The following PSMA1 variants were observed in gnomAD, a reference collection of about 807,000 sequenced individuals.
The protein encoded by PSMA1 is proteasome 20S subunit alpha 1.
Under a neutral mutation model 38.4 loss-of-function variants are expected in PSMA1, and 3 were observed. The ratio of observed to expected loss-of-function variants is 0.08; its 90% CI spans 0.04 to 0.20. The LOEUF is 0.20. Among genes scored for constraint, PSMA1 ranks in the 10% least tolerant of loss-of-function variants. PSMA1 has a pLI of 1.00. For synonymous variants in PSMA1, 101 were observed against 107.1 expected (o/e 0.94, Z 0.35); for missense variants, 227 against 325.3 (o/e 0.70, Z 2.32).
Position 14,638,506 on chromosome 11 carries a change from CCTCTCTCTCT to C in PSMA1, c.-166+4939_-166+4948del, listed in dbSNP as rs374243163. ...TAAGTTGGCTTAGTGGAGAAACACA[CCTCTCTCTCT>C]CTCTCTCTCTCTCTCTCTCTCTCTC... On this transcript the variant is annotated intron_variant, in intron 1 of 10. Transcript: ENST00000418988. Among the ~76,000 whole-genome samples the C allele has an allele frequency of 4.2e-3, 134 of 31,900 alleles. 3 individuals are homozygous for C. The highest frequency in any genetic ancestry group is 0.01 in the South Asian group (5 of 500). 20.9% of individuals were successfully genotyped at this position (31,900 alleles called of 152,430 possible).
chr11:14,527,721 C>T (rs1284337589), intron 2 of PSMA1, among the ~76,000 whole-genome samples: 4 of 152,238 alleles, frequency 2.6e-5, no homozygotes, highest in African/African-American at 4.8e-5. Context: ...AGAAGGCCAC[C>T]GCGGTCATTT....
At chr11:14,514,077 GA>G (rs1198932960) in intron 5 of PSMA1, 190 bp from the exon 6 acceptor site, 1 of 1,319,182 alleles carries the variant, frequency 7.6e-7, no homozygotes, top group Non-Finnish European at 9.6e-7. Flanking sequence ...ACCTAAGAAA[GA>G]GTGCCAGCAA....
intron 8 of PSMA1, among the ~76,000 whole-genome samples, chr11:14,509,300 C>G (rs999365442): frequency 1.4e-4 from 21 of 152,086 alleles, no homozygotes; most frequent in Admixed American, 1.3e-4. Flanking sequence ...GACATTCCCC[C>G]CTCACACCCT....
At chr11:14,617,762 C>T (rs1201772547) in intron 1 of PSMA1, among the ~76,000 whole-genome samples, 1 of 151,166 alleles carries the variant, frequency 6.6e-6, no homozygotes, top group Non-Finnish European at 1.5e-5. Context: ...CTGAAAGCTT[C>T]TTACTGTTAC....
At position 14,534,497 on chromosome 11, in the gene PSMA1, A is replaced by G. The variant is rs2134161054; in HGVS notation, c.22-15456T>C. On this transcript the variant is annotated intron_variant, in intron 2 of 10. Coordinates refer to the PSMA1 transcript ENST00000418988. This position sits in a 1 kb window ranked among gnomAD's most constrained non-coding sequence, Gnocchi z 4.5. ...AATTTTAATTTTAATTTATTTGTTT[A>G]TTTTTAGGACAGGCTTTTGCTCTGT... Among the ~76,000 whole-genome samples, 1 of 152,064 alleles carries G rather than the reference A, an allele frequency of 6.6e-6. No homozygotes were observed. Among genetic ancestry groups the G allele is most frequent in the African/African-American group, 2.4e-5 (1 of 41,488 alleles).
intron 1 of PSMA1, among the ~76,000 whole-genome samples, chr11:14,519,692 G>A (rs1232069059): frequency 6.6e-6 from 1 of 152,178 alleles, no homozygotes; most frequent in East Asian, 1.9e-4. Context: ...TCATGGGAGT[G>A]AGATTGAGTG....
chr11:14,555,429 T>TA (rs1382717672), intron 2 of PSMA1, among the ~76,000 whole-genome samples: 1 of 152,150 alleles, frequency 6.6e-6, no homozygotes, highest in Non-Finnish European at 1.5e-5. Context: ...AATAGAAACA[T>TA]ACAAGAATTC....
Position 14,563,295 on chromosome 11 carries a change from C to T in PSMA1, c.22-44254G>A, listed in dbSNP as rs138754052. 4.2e-3 allele frequency among the ~76,000 whole-genome samples: 632 copies of T among 152,288 alleles called. 11 individuals carry two copies. Among genetic ancestry groups the T allele is most frequent in the Non-Finnish European group, 2.5e-3 (173 of 68,032 alleles). On this transcript the variant is annotated intron_variant, in intron 2 of 10. Transcript: ENST00000418988. ...GATTTGAGATGCCTGTTTACTTTCA[C>T]GTGTTTGTGTCTCTTGTGGACAGTG...
intron 2 of PSMA1, among the ~76,000 whole-genome samples, chr11:14,606,926 T>C (rs765316203): frequency 6.6e-6 from 1 of 152,164 alleles, no homozygotes. Context: ...TACTGACACA[T>C]AGCCCCAGGC....
intron 1 of PSMA1, among the ~76,000 whole-genome samples, chr11:14,641,067 C>G (rs1322743209): frequency 6.6e-6 from 1 of 151,970 alleles, no homozygotes; most frequent in African/African-American, 2.4e-5. Flanking sequence ...TGAGGGAAGG[C>G]ACCTAATGTA....
At chr11:14,530,705 C>T (rs1851638026) in intron 2 of PSMA1, among the ~76,000 whole-genome samples, 2 of 151,988 alleles carry the variant, frequency 1.3e-5, no homozygotes, top group South Asian at 4.1e-4. Context: ...AGTTCGAGAC[C>T]AGCCTGACCA....
chr11:14,625,399 G>A (rs1239106094), intron 1 of PSMA1, among the ~76,000 whole-genome samples: 1 of 152,188 alleles, frequency 6.6e-6, no homozygotes, highest in Non-Finnish European at 1.5e-5. Flanking sequence ...AGTGAGCTGA[G>A]ATTGTGCCAC....
chr11:14,593,990 T>C (rs1214746988), intron 2 of PSMA1, among the ~76,000 whole-genome samples: 7 of 152,186 alleles, frequency 4.6e-5, no homozygotes, highest in Non-Finnish European at 8.8e-5. Context: ...CAGTGAGACA[T>C]AAAGGCAAGT....
rs1441723810 is a variant in PSMA1, at chr11:14,591,849, A to C, written c.21+19117T>G. ...ATAAAAGCAGGCTGCCCCAGCCAGC[A>C]GTGGCAACCCGCTCGGGTCCCCTTC... is the stretch of plus-strand genomic sequence containing the variant. On this transcript the variant is annotated intron_variant, in intron 2 of 10. Transcript: ENST00000418988. 2.0e-5 allele frequency among the ~76,000 whole-genome samples: 3 copies of C among 152,278 alleles called. No individual in the cohort carries two copies. The East Asian group carries it at 5.8e-4, about 30-fold the overall frequency.
At chr11:14,630,483 A>C (rs1590016860) in intron 1 of PSMA1, among the ~76,000 whole-genome samples, 1 of 152,114 alleles carries the variant, frequency 6.6e-6, no homozygotes, top group African/African-American at 2.4e-5. Context: ...ATTTGCGTAT[A>C]TTGAACCAGC....
intron 2 of PSMA1, among the ~76,000 whole-genome samples, chr11:14,560,200 C>T (rs1053975660): frequency 6.6e-6 from 1 of 152,194 alleles, no homozygotes; most frequent in African/African-American, 2.4e-5. Flanking sequence ...CAAACCACAG[C>T]ATTCATTACA....
chr11:14,581,948 C>A (rs1852286121), intron 2 of PSMA1, among the ~76,000 whole-genome samples: 1 of 152,214 alleles, frequency 6.6e-6, no homozygotes, highest in Non-Finnish European at 1.5e-5. Flanking sequence ...CCAGCAAAAA[C>A]TTTGCCCCTG....
At chr11:14,520,241 T>C (rs1851505581) in intron 1 of PSMA1, 56 bp downstream of exon 1, 5 of 1,611,418 alleles carry the variant, frequency 3.1e-6, no homozygotes, top group African/African-American at 1.3e-5. Flanking sequence ...TGGCTCGTCA[T>C]CCCCCAGTCA....
At chr11:14,627,049 GT>G (rs777975834) in intron 1 of PSMA1, among the ~76,000 whole-genome samples, 2 of 151,944 alleles carry the variant, frequency 1.3e-5, no homozygotes, top group African/African-American at 4.8e-5. Flanking sequence ...GTCTTCATAA[GT>G]TTTTTTTCTC....
Sources: allele counts gnomAD v4.1 joint callset (sites outside exome capture counted in the v4.1 genomes callset), GRCh38; gene constraint gnomAD v4.1.1; non-coding constraint Gnocchi (gnomAD v3.1); transcripts MANE v1.5; gene names NCBI Gene and HGNC (gene_info 2026-07-23, HGNC 2026-07-21).